The following TBC1D5 variants were observed in gnomAD, a reference collection of about 807,000 sequenced individuals.
TBC1D5 encodes TBC1 domain family, member 5.
A neutral mutation model predicts 100.3 loss-of-function variants in TBC1D5; 75 were observed. The observed-to-expected ratio is 0.75, with a 90% CI of 0.62 to 0.91. TBC1D5 has a LOEUF of 0.91. Among genes scored for constraint, TBC1D5 ranks in the 40% least tolerant of loss-of-function variants. TBC1D5 has a pLI of 0.00. For missense variants in TBC1D5, 910 were observed against 942.4 expected, an observed-to-expected ratio of 0.97 and a Z score of 0.45; for synonymous variants, 323 against 325.6, an observed-to-expected ratio of 0.99 and a Z score of 0.09.
At chr3:17,601,575 G>A (rs2060944889) in intron 2 of TBC1D5, among the ~76,000 whole-genome samples, 2 of 152,196 alleles carry the variant, frequency 1.3e-5, no homozygotes, top group South Asian at 4.1e-4. Context: ...AACTGCCCTT[G>A]TGAGCAATGC....
chr3:17,311,328 TATA>T (rs1414943136), intron 13 of TBC1D5, among the ~76,000 whole-genome samples: 2 of 152,044 alleles, frequency 1.3e-5, no homozygotes, highest in Non-Finnish European at 2.9e-5. Flanking sequence ...CTTGTGATAA[TATA>T]ATAATTCATA....
intron 17 of TBC1D5, among the ~76,000 whole-genome samples, chr3:17,234,039 A>G (rs78049581): frequency 0.036 from 5,417 of 152,198 alleles, 316 homozygotes; most frequent in African/African-American, 0.12. Context: ...AGCATATTTC[A>G]TGATGCTACA....
rs190400206 is a variant in TBC1D5 at position 17,711,155 on chromosome 3, A to G, written c.-101+28188T>C. 1.1e-4 allele frequency among the ~76,000 whole-genome samples: 17 copies of G among 152,310 alleles called. No homozygotes were observed. In the East Asian group the frequency reaches 2.1e-3, roughly 19 times the overall value. ...GATGGTCGTATGAGGCAATAAAGAC[A>G]GAAGTCTTGAGAGAACACTAGATTA... On this transcript the variant is annotated intron_variant, in intron 1 of 21. Coordinates refer to ENST00000253692, the Ensembl canonical transcript of TBC1D5.
At chr3:17,188,103 T>G (rs960100281) in intron 18 of TBC1D5, among the ~76,000 whole-genome samples, 3 of 152,184 alleles carry the variant, frequency 2.0e-5, no homozygotes, top group Non-Finnish European at 4.4e-5. Context: ...GTGGAAAGTA[T>G]GAGCTTAAAG....
intron 3 of TBC1D5, among the ~76,000 whole-genome samples, chr3:17,459,133 GATATAA>G (rs566037033): frequency 2.8e-4 from 43 of 152,262 alleles, no homozygotes; most frequent in African/African-American, 9.9e-4. Context: ...CACCATAGAG[GATATAA>G]ATATAAGTAA....
intron 3 of TBC1D5, among the ~76,000 whole-genome samples, chr3:17,472,963 G>A (rs777411090): frequency 1.3e-5 from 2 of 152,130 alleles, no homozygotes; most frequent in African/African-American, 2.4e-5. Context: ...CATCTTAGTT[G>A]AACCATGCAA....
Position 17,682,772 on chromosome 3 carries a change from T to C in TBC1D5, c.-101+56571A>G, listed in dbSNP as rs544859185. ...TAAAATATTTCCTATTAATAAATCG[T>C]GTTCCTAGGATTTTATGTTGTAACA... On this transcript the variant is annotated intron_variant, in intron 1 of 21. Transcript: ENST00000253692. 4.6e-4 allele frequency among the ~76,000 whole-genome samples: 70 copies of C among 151,720 alleles called. 2 individuals carry two copies. Among genetic ancestry groups the C allele is most frequent in the African/African-American group, 1.6e-3 (66 of 40,988 alleles).
At chr3:17,733,681 A>G (rs1206463564) in intron 1 of TBC1D5, among the ~76,000 whole-genome samples, 3 of 152,192 alleles carry the variant, frequency 2.0e-5, no homozygotes, top group African/African-American at 2.4e-5. Flanking sequence ...CACAGGTACC[A>G]TATCAAAACA....
At chr3:17,483,331 CTAG>C (rs2095522445) in intron 3 of TBC1D5, among the ~76,000 whole-genome samples, 1 of 152,154 alleles carries the variant, frequency 6.6e-6, no homozygotes, top group South Asian at 2.1e-4. Flanking sequence ...AAAAAAGTTC[CTAG>C]TAGACTAAAT....
intron 13 of TBC1D5, among the ~76,000 whole-genome samples, chr3:17,317,272 G>C (rs1358516195): frequency 6.6e-6 from 1 of 152,164 alleles, no homozygotes; most frequent in Non-Finnish European, 1.5e-5. Flanking sequence ...GTATGTCTCA[G>C]TTACTATCCA....
In TBC1D5 at chr3:17,503,755, G is replaced by C. The variant is rs1031180723; in HGVS notation, c.97+4719C>G. ...ATTAAATGTAAGCATATTACATATAGTCTATGCTCCCAAATTATGGCCACA... is the reference window on the plus strand; with the variant it reads ...ATTAAATGTAAGCATATTACATATACTCTATGCTCCCAAATTATGGCCACA... On this transcript the variant is annotated intron_variant, in intron 3 of 21. Coordinates refer to ENST00000253692, the Ensembl canonical transcript of TBC1D5. 3.3e-5 allele frequency among the ~76,000 whole-genome samples: 5 copies of C among 149,760 alleles called. No individual in the cohort carries two copies. In the East Asian group the frequency reaches 5.8e-4, roughly 17 times the overall value.
intron 3 of TBC1D5, among the ~76,000 whole-genome samples, chr3:17,466,744 T>C (rs2095307232): frequency 6.6e-6 from 1 of 151,926 alleles, no homozygotes; most frequent in South Asian, 2.1e-4. Flanking sequence ...TTTACTGGCT[T>C]AACACCTTAT....
intron 2 of TBC1D5, 138 bp from the exon 3 acceptor site, chr3:17,508,743 A>C (rs1020198115): frequency 3.7e-5 from 15 of 402,500 alleles, no homozygotes; most frequent in Non-Finnish European, 6.8e-5. Flanking sequence ...CTGTTATCTC[A>C]CATTGGTAGG....
chr3:17,626,694 G>A (rs1417162046), intron 1 of TBC1D5, among the ~76,000 whole-genome samples: 2 of 151,994 alleles, frequency 1.3e-5, no homozygotes, highest in Non-Finnish European at 2.9e-5. Flanking sequence ...TAAGCTTTAG[G>A]TGGACAAAAC....
intron 13 of TBC1D5, among the ~76,000 whole-genome samples, chr3:17,364,328 A>G (rs1323337424): frequency 3.9e-5 from 6 of 152,026 alleles, no homozygotes; most frequent in Non-Finnish European, 7.4e-5. Context: ...TCATGTACTC[A>G]AAAATTATTT....
At chr3:17,354,602 G>T (rs767000078) in intron 13 of TBC1D5, among the ~76,000 whole-genome samples, 1 of 151,904 alleles carries the variant, frequency 6.6e-6, no homozygotes, top group Non-Finnish European at 1.5e-5. Context: ...TGTATTAATG[G>T]ATTATTGAGT....
At chr3:17,443,241 G>A (rs955208790) in intron 3 of TBC1D5, among the ~76,000 whole-genome samples, 2 of 152,132 alleles carry the variant, frequency 1.3e-5, no homozygotes, top group Admixed American at 6.5e-5. Flanking sequence ...TATCAGGCCA[G>A]AGAGGCACTG....
At chr3:17,510,492 C>G (rs574904585) in intron 2 of TBC1D5, among the ~76,000 whole-genome samples, 2 of 152,064 alleles carry the variant, frequency 1.3e-5, no homozygotes, top group East Asian at 3.9e-4. Context: ...ATACATAAAC[C>G]TAGACGGTTG....
intron 2 of TBC1D5, among the ~76,000 whole-genome samples, chr3:17,615,575 T>C: frequency 6.6e-6 from 1 of 152,140 alleles, no homozygotes; most frequent in Non-Finnish European, 1.5e-5. Context: ...CCTGTTATTG[T>C]TCTATTCAGA....
Sources: allele counts gnomAD v4.1 joint callset (sites outside exome capture counted in the v4.1 genomes callset), GRCh38; gene constraint gnomAD v4.1.1; transcripts MANE v1.5; gene names NCBI Gene and HGNC (gene_info 2026-07-23, HGNC 2026-07-21).